The following RETREG1 variants were observed in gnomAD, a reference collection of about 807,000 sequenced individuals.
RETREG1 encodes the protein reticulophagy regulator 1, also known as family with sequence similarity 134 member B.
RETREG1 carries 44 observed loss-of-function variants against 54.8 expected under a neutral mutation model. The observed-to-expected ratio is 0.80, with a 90% CI of 0.63 to 1.03. The LOEUF is 1.03. RETREG1 is among the 50% of genes least tolerant of loss of function. The pLI is 0.00. For synonymous variants in RETREG1, 217 were observed against 238.5 expected, an observed-to-expected ratio of 0.91 and a Z score of 0.83; for missense variants, 554 against 605.1, an observed-to-expected ratio of 0.92 and a Z score of 0.89.
chr5:16,489,082 C>CAAAAAAAA (rs567475517), intron 3 of RETREG1, among the ~76,000 whole-genome samples: 7 of 62,974 alleles, frequency 1.1e-4, no homozygotes, highest in Non-Finnish European at 2.0e-4. Context: ...GATTCTGTCT[C>CAAAAAAAA]AAAAAAAAAA....
chr5:16,474,696 A>ATTTTTTTTGTTTTTTTT lies in RETREG1; in HGVS notation c.*44_*45insAAAAAAAACAAAAAAAA. On this transcript the variant is annotated 3_prime_UTR_variant, in exon 9 of 9. Coordinates refer to ENST00000306320, the MANE Select transcript of RETREG1 (RefSeq NM_001034850.3). The stretch of plus-strand genomic sequence containing the variant: ...TTTTTTTTTTTTTTTCTTGTTTGAA[A>ATTTTTTTTGTTTTTTTT]TTTTTTTGGTGTTTTTTGTGCTCTG... 6.6e-7 allele frequency: 1 copy of ATTTTTTTTGTTTTTTTT among 1,521,918 alleles called. No individual in the cohort carries two copies. 94.3% of individuals were successfully genotyped at this position (1,521,918 alleles called of 1,614,324 possible).
intron 3 of RETREG1, among the ~76,000 whole-genome samples, chr5:16,548,158 A>C (rs10073468): frequency 0.29 from 44,397 of 152,138 alleles, 6,807 homozygotes; most frequent in East Asian, 0.4. Context: ...TTAAATTATA[A>C]GACTCATTTC....
chr5:16,530,323 C>G (rs77853742), intron 3 of RETREG1, among the ~76,000 whole-genome samples: 2,330 of 152,310 alleles, frequency 0.015, 65 homozygotes, highest in African/African-American at 0.053. Context: ...GCCAGCCTGC[C>G]TGGGTGCTCA....
chr5:16,557,112 G>C (rs1341556969), intron 3 of RETREG1, among the ~76,000 whole-genome samples: 1 of 152,180 alleles, frequency 6.6e-6, no homozygotes, highest in Non-Finnish European at 1.5e-5. Flanking sequence ...TTAAAGTCAT[G>C]AGCCACTGCA....
At chr5:16,535,559 G>A (rs911674951) in intron 3 of RETREG1, among the ~76,000 whole-genome samples, 1 of 150,826 alleles carries the variant, frequency 6.6e-6, no homozygotes, top group Admixed American at 6.6e-5. Context: ...GGGAGCTGGA[G>A]CTACTGTGTG....
At chr5:16,568,274 CT>C (rs70940379) in intron 2 of RETREG1, among the ~76,000 whole-genome samples, 107,719 of 141,674 alleles carry the variant, frequency 0.76, 40,623 homozygotes, top group Middle Eastern at 0.82. Context: ...ATATCACTGA[CT>C]TTTTTTTTTT....
intron 1 of RETREG1, among the ~76,000 whole-genome samples, chr5:16,595,231 C>G (rs1238173748): frequency 6.6e-6 from 1 of 152,120 alleles, no homozygotes; most frequent in Non-Finnish European, 1.5e-5. Context: ...TTTAATAGTC[C>G]TTGTTTTTAT....
chr5:16,581,428 C>T (rs969631396), intron 1 of RETREG1, among the ~76,000 whole-genome samples: 3 of 152,140 alleles, frequency 2.0e-5, no homozygotes, highest in Admixed American at 6.5e-5. Flanking sequence ...TCCCATGTAG[C>T]CAGCCCCATC....
At chr5:16,579,862 C>T (rs1473523147) in intron 1 of RETREG1, among the ~76,000 whole-genome samples, 1 of 152,208 alleles carries the variant, frequency 6.6e-6, no homozygotes, top group Non-Finnish European at 1.5e-5. Context: ...TTTTGAAGGA[C>T]ACCTTGGTTG....
Position 16,490,056 on chromosome 5 carries a change from A to G in RETREG1, c.459-6584T>C, listed in dbSNP as rs78842350. On this transcript the variant is annotated intron_variant, in intron 3 of 8. Coordinates refer to ENST00000306320, the MANE Select transcript of RETREG1 (RefSeq NM_001034850.3). ...TTTAGATTTGAGGAGATAATTACCA[A>G]CCAGAGATAGGAAACCTGGAGTAGA... Among the ~76,000 whole-genome samples the G allele has an allele frequency of 3.7e-3, 560 of 152,322 alleles. 5 individuals are homozygous for G. The highest frequency in any genetic ancestry group is 0.013 in the African/African-American group (521 of 41,558).
chr5:16,610,847 G>T (rs548007394), intron 1 of RETREG1, among the ~76,000 whole-genome samples: 1 of 152,126 alleles, frequency 6.6e-6, no homozygotes, highest in Non-Finnish European at 1.5e-5. Flanking sequence ...AGTCAGTGTG[G>T]CGATTCCTCA....
At chr5:16,540,942 T>G (rs1219545048) in intron 3 of RETREG1, among the ~76,000 whole-genome samples, 3 of 152,212 alleles carry the variant, frequency 2.0e-5, no homozygotes, top group African/African-American at 7.2e-5. Flanking sequence ...AAGCATGGAT[T>G]CAGTCAACTG....
At chr5:16,575,288 C>T (rs765129592) in intron 1 of RETREG1, among the ~76,000 whole-genome samples, 10 of 152,154 alleles carry the variant, frequency 6.6e-5, no homozygotes, top group Non-Finnish European at 1.0e-4. Flanking sequence ...AGCTGTAATG[C>T]GCAGCTCGGC....
intron 8 of RETREG1, among the ~76,000 whole-genome samples, chr5:16,477,243 T>C (rs560010371): frequency 6.6e-6 from 1 of 152,248 alleles, no homozygotes; most frequent in East Asian, 1.9e-4. Flanking sequence ...CCTTCTAAGG[T>C]ATACAATTCA....
chr5:16,552,907 C>T (rs1407518695), intron 3 of RETREG1, among the ~76,000 whole-genome samples: 1 of 152,138 alleles, frequency 6.6e-6, no homozygotes, highest in Non-Finnish European at 1.5e-5. Context: ...AACAGATGTC[C>T]CATCGCTCAC....
intron 1 of RETREG1, among the ~76,000 whole-genome samples, chr5:16,581,397 G>A (rs1386888333): frequency 1.3e-5 from 2 of 152,154 alleles, no homozygotes; most frequent in Non-Finnish European, 2.9e-5. Context: ...CCCAGGCCCT[G>A]TGTGGCTGTC....
At chr5:16,514,900 C>CATATATAT (rs61346860) in intron 3 of RETREG1, among the ~76,000 whole-genome samples, 8 of 144,118 alleles carry the variant, frequency 5.6e-5, no homozygotes, top group South Asian at 2.1e-4. Context: ...CCATGGCATG[C>CATATATAT]ATATATATAT....
At chr5:16,567,759 C>A (rs1242200413) in intron 2 of RETREG1, among the ~76,000 whole-genome samples, 5 of 152,062 alleles carry the variant, frequency 3.3e-5, no homozygotes, top group Non-Finnish European at 7.4e-5. Context: ...GAGTTTAAAA[C>A]CAGCCTGGGT....
intron 3 of RETREG1, among the ~76,000 whole-genome samples, chr5:16,508,167 T>C (rs1179832033): frequency 6.6e-6 from 1 of 152,248 alleles, no homozygotes; most frequent in Non-Finnish European, 1.5e-5. Context: ...TGGTCCAATG[T>C]TTAAACTGTG....
Sources: gnomAD v4.1 joint callset for allele counts (sites outside exome capture counted in the v4.1 genomes callset) on GRCh38, gnomAD v4.1.1 for gene constraint, MANE v1.5 for transcripts, NCBI Gene and HGNC (gene_info 2026-07-23, HGNC 2026-07-21) for gene names.